The following SCG5 variants were observed in gnomAD, a reference collection of about 807,000 sequenced individuals.
The protein encoded by SCG5 is secretogranin V, also known as neuroendocrine protein 7B2.
SCG5 carries 18 observed loss-of-function variants against 25.7 expected under a neutral mutation model. The observed-to-expected ratio is 0.70, with a 90% CI of 0.48 to 1.04. SCG5 has a LOEUF of 1.04. Ranked by LOEUF, SCG5 falls within the 50% of genes least tolerant of loss-of-function variation. The pLI is 0.00. For missense variants in SCG5, 206 were observed against 259.8 expected, an observed-to-expected ratio of 0.79 and a Z score of 1.42; for synonymous variants, 101 against 91.7, an observed-to-expected ratio of 1.10 and a Z score of -0.58.
At chr15:32,691,842 C>G (rs1298133225) in intron 5 of SCG5, 79 bp downstream of exon 5, 2 of 1,566,686 alleles carry the variant, frequency 1.3e-6, no homozygotes, top group Non-Finnish European at 1.7e-6. Flanking sequence ...GAAACCCTCG[C>G]TTGTTGGGAA....
chr15:32,662,926 G>A (rs1203707660), intron 2 of SCG5, among the ~76,000 whole-genome samples: 1 of 151,114 alleles, frequency 6.6e-6, no homozygotes, highest in African/African-American at 2.4e-5. Flanking sequence ...ATACATGTGG[G>A]ACATTAGTTG....
chr15:32,660,310 G>A (rs139177321), intron 2 of SCG5, among the ~76,000 whole-genome samples: 134 of 152,270 alleles, frequency 8.8e-4, no homozygotes, highest in African/African-American at 3.0e-3. Flanking sequence ...AGAGTTATCA[G>A]TACCTACAGA....
intron 2 of SCG5, among the ~76,000 whole-genome samples, chr15:32,660,011 T>A (rs753029763): frequency 1.3e-5 from 2 of 152,164 alleles, no homozygotes; most frequent in African/African-American, 2.4e-5. Context: ...TGAAAATGTT[T>A]GCAAAGGAAG....
At chr15:32,655,380 C>CTAAGCAAA (rs2054100175) in intron 2 of SCG5, among the ~76,000 whole-genome samples, 1 of 152,102 alleles carries the variant, frequency 6.6e-6, no homozygotes, top group South Asian at 2.1e-4. Flanking sequence ...TGAATTGGTC[C>CTAAGCAAA]ACTTCCGTGG....
At chr15:32,692,981 C>T (rs1173321095) in intron 5 of SCG5, among the ~76,000 whole-genome samples, 1 of 152,086 alleles carries the variant, frequency 6.6e-6, no homozygotes, top group Non-Finnish European at 1.5e-5. Context: ...AGGGGTTTTT[C>T]TTGGTGATTA....
At chr15:32,666,636 T>C (rs1362560105) in intron 2 of SCG5, 1 of 152,252 alleles carries the variant, frequency 6.6e-6, no homozygotes. Flanking sequence ...GGACCACATA[T>C]GTTTTTAAGT....
At chr15:32,654,046 C>T (rs2054074721) in intron 2 of SCG5, among the ~76,000 whole-genome samples, 1 of 152,218 alleles carries the variant, frequency 6.6e-6, no homozygotes, top group Non-Finnish European at 1.5e-5. Context: ...CTTACCCTCA[C>T]AATCACTTAC....
chr15:32,652,749 C>T (rs569370495), intron 2 of SCG5, among the ~76,000 whole-genome samples: 1 of 152,248 alleles, frequency 6.6e-6, no homozygotes, highest in African/African-American at 2.4e-5. Flanking sequence ...CTTTTCTTTG[C>T]CAGCTTATAC....
chr15:32,694,148 C>T (rs536339068), intron 5 of SCG5, among the ~76,000 whole-genome samples: 1 of 152,132 alleles, frequency 6.6e-6, no homozygotes, highest in South Asian at 2.1e-4. Flanking sequence ...ACCCAAAGCT[C>T]ATTATTATTA....
At chr15:32,643,549 G>A (rs1250132310) in intron 1 of SCG5, 37 bp from the exon 2 acceptor site, 5 of 1,485,772 alleles carry the variant, frequency 3.4e-6, no homozygotes, top group Non-Finnish European at 4.7e-6. Context: ...ATTGCCGATT[G>A]TAGCCTATCA....
chr15:32,647,506 TA>T (rs923752332), intron 2 of SCG5, among the ~76,000 whole-genome samples: 15 of 151,954 alleles, frequency 9.9e-5, no homozygotes, highest in Admixed American at 2.6e-4. Context: ...TATATCCCAT[TA>T]AAAAAAACAT....
intron 1 of SCG5, 144 bp downstream of exon 1, chr15:32,641,922 CTA>C (rs1478218252): frequency 6.6e-6 from 1 of 152,162 alleles, no homozygotes. Flanking sequence ...GAATGTTTGG[CTA>C]TCAGTAAGGG....
Position 32,676,267 on chromosome 15 carries a change from A to G in SCG5, c.227-3499A>G, listed in dbSNP as rs186059301. Reference sequence around the variant, plus strand: ...TGTTCTAATCTGTCTGCTTAGTGCTAAACATCTGTTGCTTCCTAACAAGTG... The same window carrying G: ...TGTTCTAATCTGTCTGCTTAGTGCTGAACATCTGTTGCTTCCTAACAAGTG... On this transcript the variant is annotated intron_variant, in intron 2 of 5. Coordinates refer to ENST00000300175, the MANE Select transcript of SCG5 (RefSeq NM_001144757.3). Among the ~76,000 whole-genome samples, 19 of 152,354 alleles carry G rather than the reference A, an allele frequency of 1.2e-4. No homozygotes were observed. The East Asian group carries it at 3.5e-3, about 28-fold the overall frequency.
chr15:32,646,638 G>T lies in SCG5; in HGVS notation c.226+2820G>T, dbSNP rs538633498. Among the ~76,000 whole-genome samples the T allele has an allele frequency of 7.9e-5, 12 of 152,308 alleles. No homozygotes were observed. In the South Asian group the frequency reaches 2.5e-3, roughly 32 times the overall value. On this transcript the variant is annotated intron_variant, in intron 2 of 5. Transcript: ENST00000300175. The stretch of plus-strand genomic sequence containing the variant: ...AGTCTTCCTAGAATTGTATACTATA[G>T]CTAGGATGAAAACTAACAAAGAAAA...
At chr15:32,673,350 T>C (rs1379764359) in intron 2 of SCG5, among the ~76,000 whole-genome samples, 1 of 152,182 alleles carries the variant, frequency 6.6e-6, no homozygotes, top group Non-Finnish European at 1.5e-5. Flanking sequence ...GAGCTAATTT[T>C]ATCTCATTTT....
intron 2 of SCG5, chr15:32,677,743 T>A (rs973419073): frequency 6.6e-6 from 1 of 152,254 alleles, no homozygotes; most frequent in African/African-American, 2.4e-5. Flanking sequence ...CTCATGGAGT[T>A]GGTAAGTATG....
chr15:32,641,792 T>G lies in SCG5; in HGVS notation c.-8+14T>G, dbSNP rs535713530. 1 of 152,408 alleles carries G rather than the reference T, an allele frequency of 6.6e-6. No individual in the cohort carries two copies. The highest frequency in any genetic ancestry group is 2.1e-4 in the South Asian group (1 of 4,824). The allele number at this position is 152,408 out of a possible 1,614,324, so 9.4% of individuals were successfully genotyped here. On this transcript the variant is annotated intron_variant, in intron 1 of 5. Coordinates refer to ENST00000300175, the MANE Select transcript of SCG5 (RefSeq NM_001144757.3). ...GGCTGCCCCTCGGTGAGTACAGTTT[T>G]GATGTCGGCTCGGCCGCCTGCCGCC... is the stretch of plus-strand genomic sequence containing the variant.
At chr15:32,691,658 C>T in intron 4 of SCG5, 52 bp from the exon 5 acceptor site, 1 of 1,429,258 alleles carries the variant, frequency 7.0e-7, no homozygotes, top group South Asian at 1.3e-5. Context: ...AGACATTCAC[C>T]AAATTTGATC....
intron 2 of SCG5, among the ~76,000 whole-genome samples, chr15:32,665,499 G>T (rs776798778): frequency 6.6e-6 from 1 of 151,934 alleles, no homozygotes; most frequent in Non-Finnish European, 1.5e-5. Flanking sequence ...TTATTATTAG[G>T]TTTACATTAT....
Sources: allele counts gnomAD v4.1 joint callset (sites outside exome capture counted in the v4.1 genomes callset), GRCh38; gene constraint gnomAD v4.1.1; transcripts MANE v1.5; gene names NCBI Gene and HGNC (gene_info 2026-07-23, HGNC 2026-07-21).